RAB30: variants seen among roughly 807,000 people sequenced by gnomAD.
RAB30 encodes RAB30, member RAS oncogene family.
In RAB30, 9 loss-of-function variants were observed where a neutral mutation model predicts 25.1. The ratio of observed to expected loss-of-function variants is 0.36; its 90% CI spans 0.22 to 0.63. The LOEUF is 0.63. Among genes scored for constraint, RAB30 ranks in the 20% least tolerant of loss-of-function variants. The pLI, the probability that RAB30 is intolerant of heterozygous loss-of-function variation, is 0.69. For synonymous variants in RAB30, 77 were observed against 86.4 expected, an observed-to-expected ratio of 0.89 and a Z score of 0.60; for missense variants, 140 against 243.5, an observed-to-expected ratio of 0.58 and a Z score of 2.83.
intron 1 of RAB30, chr11:83,033,993 C>T (rs1163528912): frequency 1.3e-5 from 2 of 152,342 alleles, no homozygotes; most frequent in African/African-American, 4.8e-5. Context: ...TCCTCAAGAG[C>T]AAGTCCATCC....
At chr11:83,009,780 T>C (rs1467238542) in intron 1 of RAB30, among the ~76,000 whole-genome samples, 2 of 152,174 alleles carry the variant, frequency 1.3e-5, no homozygotes, top group African/African-American at 4.8e-5. Context: ...CTTTCCTCAA[T>C]AGCAACTTTT....
rs2121412306 is a variant in RAB30 at position 82,973,369 on chromosome 11, A to C, written c.*8796T>G. ...ATTTGACAAACTTTTTTCAAGAAGC[A>C]AAGTCCAATTTTAAAAGACAGACAA... On this transcript the variant is annotated 3_prime_UTR_variant, in exon 5 of 5. Transcript: ENST00000527633. The C allele has an allele frequency of 6.6e-6, 1 of 152,334 alleles. No homozygotes were observed. The highest frequency in any genetic ancestry group is 1.9e-4 in the East Asian group (1 of 5,192). 9.4% of individuals were successfully genotyped at this position (152,334 alleles called of 1,614,324 possible). A position where few individuals can be genotyped will look rare whatever the true frequency, so the allele number is the denominator to read the frequency against.
At chr11:82,998,713 A>G (rs1857013083) in intron 1 of RAB30, among the ~76,000 whole-genome samples, 1 of 129,790 alleles carries the variant, frequency 7.7e-6, no homozygotes, top group Non-Finnish European at 1.5e-5. Context: ...TAAATAATGA[A>G]AAAAAAAAAA....
intron 1 of RAB30, among the ~76,000 whole-genome samples, chr11:83,005,957 TA>T (rs34248549): frequency 0.037 from 5,583 of 151,144 alleles, 341 homozygotes; most frequent in African/African-American, 0.13. Context: ...TTTTTTTTTT[TA>T]AAAAACTGAT....
intron 1 of RAB30, among the ~76,000 whole-genome samples, chr11:83,011,429 G>C (rs1857301951): frequency 1.3e-5 from 2 of 152,152 alleles, no homozygotes; most frequent in South Asian, 4.1e-4. Flanking sequence ...CAGTTTGTAA[G>C]TAAAAAAGAG....
At chr11:83,023,581 G>C (rs1026284882) in intron 1 of RAB30, among the ~76,000 whole-genome samples, 1 of 152,092 alleles carries the variant, frequency 6.6e-6, no homozygotes, top group African/African-American at 2.4e-5. Flanking sequence ...CCAGCTGATG[G>C]CCCTGCCTCA....
intron 3 of RAB30, among the ~76,000 whole-genome samples, chr11:82,992,872 G>C (rs377079874): frequency 1.3e-5 from 2 of 151,978 alleles, no homozygotes; most frequent in Non-Finnish European, 2.9e-5. Flanking sequence ...TCAGCTTCCC[G>C]AGTAGCTGGG....
At chr11:82,985,183 T>C (rs1856717332) in intron 4 of RAB30, among the ~76,000 whole-genome samples, 1 of 152,078 alleles carries the variant, frequency 6.6e-6, no homozygotes, top group Non-Finnish European at 1.5e-5. Context: ...CAGGCTGGTC[T>C]CAAACTCCCG....
At chr11:83,045,882 T>TA (rs1858223319) in intron 1 of RAB30, among the ~76,000 whole-genome samples, 1 of 152,202 alleles carries the variant, frequency 6.6e-6, no homozygotes, top group Admixed American at 6.5e-5. Flanking sequence ...GTAAGTAATT[T>TA]AAAATCTCTG....
At chr11:82,997,968 G>A (rs1272622689) in intron 1 of RAB30, among the ~76,000 whole-genome samples, 1 of 152,110 alleles carries the variant, frequency 6.6e-6, no homozygotes, top group African/African-American at 2.4e-5. Flanking sequence ...CATTTCTTCT[G>A]CCTGGGATGC....
At chr11:83,043,021 T>C (rs1292945362) in intron 1 of RAB30, among the ~76,000 whole-genome samples, 2 of 152,186 alleles carry the variant, frequency 1.3e-5, no homozygotes, top group African/African-American at 2.4e-5. Flanking sequence ...ATGGGTATGA[T>C]AGATTGCAAA....
intron 1 of RAB30, among the ~76,000 whole-genome samples, chr11:83,013,781 TAAAG>T (rs1857355557): frequency 6.6e-6 from 1 of 152,056 alleles, no homozygotes; most frequent in Non-Finnish European, 1.5e-5. Context: ...CTGCAAGAAA[TAAAG>T]AAAGAGAACT....
intron 3 of RAB30, 99 bp from the exon 4 acceptor site, chr11:82,987,869 C>G: frequency 9.7e-6 from 3 of 309,032 alleles, no homozygotes; most frequent in Non-Finnish European, 1.7e-5. Context: ...AATGGGTACA[C>G]CTTTACCCAA....
Position 82,978,018 on chromosome 11 carries a change from A to T in RAB30, c.*4147T>A, listed in dbSNP as rs1422399567. ...AATCCAAAAAGAAAGTAAAGAAAAC[A>T]TATCCCTCCCTTATCCCAAAATTAG... On this transcript the variant is annotated 3_prime_UTR_variant, in exon 5 of 5. Transcript: ENST00000527633. The T allele has an allele frequency of 6.6e-6, 1 of 152,196 alleles. No individual in the cohort carries two copies. The highest frequency in any genetic ancestry group is 1.5e-5 in the Non-Finnish European group (1 of 68,026). The allele number at this position is 152,196 out of a possible 1,614,324, so 9.4% of individuals were successfully genotyped here.
chr11:83,039,169 T>C (rs1858050498), intron 1 of RAB30: 1 of 152,240 alleles, frequency 6.6e-6, no homozygotes, highest in African/African-American at 2.4e-5. Context: ...ACTAGTCATT[T>C]AGTAAATATT....
At chr11:82,995,410 GT>G (rs749185310) in intron 2 of RAB30, among the ~76,000 whole-genome samples, 6 of 152,146 alleles carry the variant, frequency 3.9e-5, no homozygotes, top group Admixed American at 2.6e-4. Flanking sequence ...AGCTCCAGAT[GT>G]TTTGCACCTC....
intron 1 of RAB30, among the ~76,000 whole-genome samples, chr11:83,063,104 G>A (rs1858620404): frequency 6.6e-6 from 1 of 151,998 alleles, no homozygotes; most frequent in South Asian, 2.1e-4. Flanking sequence ...AATAATTCAT[G>A]GCTGCGATCC....
chr11:83,012,322 C>G (rs905487282), intron 1 of RAB30, among the ~76,000 whole-genome samples: 2 of 152,186 alleles, frequency 1.3e-5, no homozygotes, highest in African/African-American at 4.8e-5. Context: ...CTCCAAAGAA[C>G]TAATCTAATC....
Position 82,997,245 on chromosome 11 carries a change from G to A in RAB30, c.72C>T (p.Cys24=). The A allele has an allele frequency of 2.5e-6, 4 of 1,611,502 alleles. No homozygotes were observed. The highest frequency in any genetic ancestry group is 3.4e-6 in the Non-Finnish European group (4 of 1,177,646). ...TTACCTGAGTGAATCTTCGGACGAG[G>A]CACGTCTTCCCCACACCAGCGTTGC... ...LIGNAGVGKT[C]LVRRFTQGLF... The change falls in exon 2 of 5, where the codon TGC becomes TGT. Residue 24 remains cysteine, a synonymous_variant. Transcript: ENST00000527633.
Sources: allele counts gnomAD v4.1 joint callset (sites outside exome capture counted in the v4.1 genomes callset), GRCh38; gene constraint gnomAD v4.1.1; transcripts MANE v1.5; gene names NCBI Gene and HGNC (gene_info 2026-07-23, HGNC 2026-07-21).